Variants in PDSS1 observed in about 807,000 individuals in gnomAD.
PDSS1 encodes decaprenyl diphosphate synthase subunit 1, also known as all trans-polyprenyl-diphosphate synthase PDSS1.
A neutral mutation model predicts 57.5 loss-of-function variants in PDSS1; 43 were observed. The observed-to-expected ratio is 0.75, with a 90% CI of 0.59 to 0.96. PDSS1 has a LOEUF of 0.96. PDSS1 is among the 50% of genes least tolerant of loss of function. The probability of loss-of-function intolerance (pLI) is 0.00; values close to 1 mark genes in which losing one functional copy is unlikely to be tolerated. For missense variants in PDSS1, 438 were observed against 527.8 expected (o/e 0.83, Z 1.67); for synonymous variants, 175 against 191.3 (o/e 0.91, Z 0.70).
intron 11 of PDSS1, among the ~76,000 whole-genome samples, chr10:26,744,531 C>T (rs538298525): frequency 1.3e-5 from 2 of 152,240 alleles, no homozygotes; most frequent in East Asian, 1.9e-4. Flanking sequence ...GCTGGGACTA[C>T]AGGCACCCGC....
intron 8 of PDSS1, among the ~76,000 whole-genome samples, chr10:26,727,928 C>G (rs576048256): frequency 6.6e-6 from 1 of 152,156 alleles, no homozygotes; most frequent in Non-Finnish European, 1.5e-5. Context: ...TGATACTTCT[C>G]AAGATTCGAT....
chr10:26,713,237 A>T (rs1315022826), intron 5 of PDSS1, among the ~76,000 whole-genome samples: 1 of 147,598 alleles, frequency 6.8e-6, no homozygotes, highest in Non-Finnish European at 1.5e-5. Context: ...GGTTGCAGTG[A>T]GCCGAGATCA....
chr10:26,723,773 A>G (rs1241153547), intron 6 of PDSS1, 33 bp from the exon 7 acceptor site: 2 of 1,445,014 alleles, frequency 1.4e-6, no homozygotes, highest in East Asian at 2.3e-5. Context: ...TGGATTTTTC[A>G]GAACGTTCTG....
At chr10:26,703,209 A>G (rs1469402727) in intron 2 of PDSS1, among the ~76,000 whole-genome samples, 1 of 152,224 alleles carries the variant, frequency 6.6e-6, no homozygotes, top group African/African-American at 2.4e-5. Flanking sequence ...GCTACTAATA[A>G]TTGTTAGGCC....
intron 5 of PDSS1, chr10:26,717,632 G>T (rs1035779955): frequency 6.6e-6 from 1 of 152,180 alleles, no homozygotes; most frequent in African/African-American, 2.4e-5. Context: ...AACAACTCTA[G>T]TATCTTGGTG....
chr10:26,736,936 T>C (rs144802813), intron 10 of PDSS1, among the ~76,000 whole-genome samples: 27 of 152,316 alleles, frequency 1.8e-4, no homozygotes. Flanking sequence ...ATTTGAGCCA[T>C]GTAGGTGTTA....
intron 6 of PDSS1, 21 bp downstream of exon 6, chr10:26,720,380 T>A (rs780107336): frequency 3.0e-5 from 45 of 1,512,440 alleles, no homozygotes; most frequent in East Asian, 9.0e-5. Context: ...TTGGTTTTTT[T>A]AAAATCTCTC....
chr10:26,729,331 A>G (rs990424987), intron 8 of PDSS1, among the ~76,000 whole-genome samples: 1 of 152,176 alleles, frequency 6.6e-6, no homozygotes, highest in African/African-American at 2.4e-5. Context: ...GACCCACTCA[A>G]TGGACAGAGC....
chr10:26,727,326 C>T (rs1378708312), intron 8 of PDSS1, among the ~76,000 whole-genome samples: 2 of 120,098 alleles, frequency 1.7e-5, no homozygotes, highest in Non-Finnish European at 3.5e-5. Context: ...CCTTGTTTCT[C>T]TCTCTCTCTC....
rs561761021 is a variant in PDSS1 at position 26,744,503 on chromosome 10, G to A, written c.1108-1830G>A. Among the ~76,000 whole-genome samples, 175 of 152,156 alleles carry A rather than the reference G, an allele frequency of 1.2e-3. 1 individual carries two copies. Among genetic ancestry groups the A allele is most frequent in the Non-Finnish European group, 2.0e-3 (137 of 67,994 alleles). On this transcript the variant is annotated intron_variant, in intron 11 of 11. Transcript: ENST00000376215. ...CCTCCCGGGTTCAAGTGATTCTCCT[G>A]CCTCAGCCTCCCGAGTAGCTGGGAC...
intron 1 of PDSS1, among the ~76,000 whole-genome samples, chr10:26,700,429 C>T (rs867574702): frequency 1.3e-5 from 2 of 152,112 alleles, no homozygotes; most frequent in Admixed American, 6.5e-5. Context: ...CTTAGTGAGA[C>T]CTCCTGATAT....
At chr10:26,708,778 C>A (rs1001780434) in intron 4 of PDSS1, among the ~76,000 whole-genome samples, 4 of 151,916 alleles carry the variant, frequency 2.6e-5, no homozygotes, top group Non-Finnish European at 5.9e-5. Context: ...TATGATCGTG[C>A]CACTGCCCTG....
intron 5 of PDSS1, among the ~76,000 whole-genome samples, chr10:26,716,304 TTTG>T: frequency 6.6e-6 from 1 of 152,226 alleles, no homozygotes; most frequent in Non-Finnish European, 1.5e-5. Context: ...GAAAATATAT[TTTG>T]TAAAACCACA....
In PDSS1 at chr10:26,711,905, T is replaced by C. The variant is rs1233899577; in HGVS notation, c.467+2137T>C. Among the ~76,000 whole-genome samples the C allele has an allele frequency of 3.1e-5, 3 of 97,816 alleles. 1 individual carries two copies. The highest frequency in any genetic ancestry group is 6.6e-5 in the African/African-American group (2 of 30,142). 64.2% of individuals were successfully genotyped at this position (97,816 alleles called of 152,430 possible). On this transcript the variant is annotated intron_variant, in intron 5 of 11. Coordinates refer to ENST00000376215, the MANE Select transcript of PDSS1 (RefSeq NM_014317.5). Reference sequence around the variant, plus strand: ...CTTAATATGTAATACAGTTCATTGCTCTCAGAAATAAACATGGGAAGGAAA... The same window carrying C: ...CTTAATATGTAATACAGTTCATTGCCCTCAGAAATAAACATGGGAAGGAAA...
Position 26,746,641 on chromosome 10 carries a change from A to G in PDSS1, c.*168A>G, listed in dbSNP as rs1836948646. The G allele has an allele frequency of 1.5e-6, 1 of 670,720 alleles. No individual in the cohort carries two copies. The highest frequency in any genetic ancestry group is 2.5e-6 in the Non-Finnish European group (1 of 392,164). 41.5% of individuals were successfully genotyped at this position (670,720 alleles called of 1,614,324 possible). The stretch of plus-strand genomic sequence containing the variant: ...TTTTATTGCAAAAGTTTTTTCAGAA[A>G]ACTTTTTAAATGTAATTAATAAACC... On this transcript the variant is annotated 3_prime_UTR_variant, in exon 12 of 12. Coordinates refer to ENST00000376215, the MANE Select transcript of PDSS1 (RefSeq NM_014317.5).
intron 5 of PDSS1, among the ~76,000 whole-genome samples, chr10:26,717,242 T>G (rs943527785): frequency 6.6e-6 from 1 of 152,216 alleles, no homozygotes; most frequent in African/African-American, 2.4e-5. Context: ...ATTTATTTAT[T>G]TATTCGGAGA....
At chr10:26,732,275 G>T in intron 8 of PDSS1, among the ~76,000 whole-genome samples, 1 of 152,190 alleles carries the variant, frequency 6.6e-6, no homozygotes, top group Non-Finnish European at 1.5e-5. Context: ...GACCTGGGAT[G>T]GGGAAGCAGG....
intron 10 of PDSS1, among the ~76,000 whole-genome samples, chr10:26,738,507 A>T (rs1322021052): frequency 6.6e-6 from 1 of 152,236 alleles, no homozygotes; most frequent in Non-Finnish European, 1.5e-5. Context: ...CCACCTGGGC[A>T]CTGACGATAC....
chr10:26,697,870 G>A (rs1351059118), intron 1 of PDSS1, 30 bp downstream of exon 1: 1 of 1,271,820 alleles, frequency 7.9e-7, no homozygotes, highest in South Asian at 2.5e-5. Flanking sequence ...GCCCGGCGGG[G>A]CTCAGAGGTC....
Sources: allele counts gnomAD v4.1 joint callset (sites outside exome capture counted in the v4.1 genomes callset), GRCh38; gene constraint gnomAD v4.1.1; transcripts MANE v1.5; gene names NCBI Gene and HGNC (gene_info 2026-07-23, HGNC 2026-07-21).